The following FOXN1 variants were observed in gnomAD, a reference collection of about 807,000 sequenced individuals.
The protein encoded by FOXN1 is forkhead box protein N1.
A neutral mutation model predicts 49.0 loss-of-function variants in FOXN1; 15 were observed. That is an observed-to-expected ratio of 0.31 (90% CI 0.20 to 0.47). The LOEUF is 0.47. Ranked by LOEUF, FOXN1 falls within the 20% of genes least tolerant of loss-of-function variation. The pLI is 1.00. For synonymous variants in FOXN1, 356 were observed against 369.0 expected, an observed-to-expected ratio of 0.96 and a Z score of 0.40; for missense variants, 800 against 842.8, an observed-to-expected ratio of 0.95 and a Z score of 0.63.
intron 1 of FOXN1, among the ~76,000 whole-genome samples, chr17:28,517,166 C>T (rs140356840): frequency 0.015 from 1,907 of 126,218 alleles, 127 homozygotes; most frequent in African/African-American, 0.054. Flanking sequence ...ACAGGATCCA[C>T]ACCTCCACAG....
chr17:28,519,476 A>G (rs2069597420), intron 1 of FOXN1, among the ~76,000 whole-genome samples: 1 of 152,064 alleles, frequency 6.6e-6, no homozygotes, highest in African/African-American at 2.4e-5. Flanking sequence ...ACCCATATTG[A>G]GGGGCAGTTC....
Position 28,524,978 on chromosome 17 carries a change from G to C in FOXN1, c.588+11G>C. 6.3e-7 allele frequency: 1 copy of C among 1,589,730 alleles called. No individual in the cohort carries two copies. ...GGCCCCCAAGTCCTGGTGAGTACTA[G>C]TGGCCAGCGAGTGTCCCATCTTCCC... On this transcript the variant is annotated intron_variant, in intron 3 of 8. Coordinates refer to ENST00000579795, the MANE Select transcript of FOXN1 (RefSeq NM_001369369.1).
chr17:28,536,234 G>A (rs1445000935), intron 8 of FOXN1, among the ~76,000 whole-genome samples: 2 of 152,238 alleles, frequency 1.3e-5, no homozygotes, highest in Non-Finnish European at 2.9e-5. Context: ...AGTGCACATA[G>A]ATCCTCAGCC....
intron 1 of FOXN1, among the ~76,000 whole-genome samples, chr17:28,521,769 C>A (rs768568450): frequency 6.6e-6 from 1 of 152,204 alleles, no homozygotes; most frequent in Non-Finnish European, 1.5e-5. Context: ...GGGCAAATTG[C>A]CTCCCCTCAT....
At chr17:28,536,520 T>C (rs2070067768) in intron 8 of FOXN1, among the ~76,000 whole-genome samples, 1 of 152,098 alleles carries the variant, frequency 6.6e-6, no homozygotes, top group Non-Finnish European at 1.5e-5. Context: ...CAGGGTTTAG[T>C]CAGGCCCTCT....
Position 28,524,825 on chromosome 17 carries a change from T to C in FOXN1, c.446T>C (p.Phe149Ser), listed in dbSNP as rs767224907. The change falls in exon 3 of 9, where the codon TTT (phenylalanine) becomes TCT (serine). Residue 149 changes from phenylalanine to serine, a missense_variant. Phe to Ser is a radical substitution (Grantham distance 155). Around this residue, in one of 3 missense-constraint regions of FOXN1, gnomAD observed 383 missense variants for 357.9 expected, o/e 1.07. Coordinates refer to ENST00000579795, the MANE Select transcript of FOXN1 (RefSeq NM_001369369.1). ...ETTLALKGHS[F>S]KTPGPLEAFE... is the part of the protein sequence containing the mutation. ...ACCCTGGCCCTCAAAGGACACTCCT[T>C]TAAGACCCCAGGGCCGCTGGAGGCC... The C allele has an allele frequency of 6.2e-7, 1 of 1,613,760 alleles. No individual in the cohort carries two copies. Among genetic ancestry groups the C allele is most frequent in the Admixed American group, 1.7e-5 (1 of 60,012 alleles).
chr17:28,516,423 T>A (rs1247806319), intron 1 of FOXN1, among the ~76,000 whole-genome samples: 3 of 149,240 alleles, frequency 2.0e-5, no homozygotes, highest in Non-Finnish European at 3.0e-5. Flanking sequence ...GGTACATGCC[T>A]CCACAGAGTA....
intron 1 of FOXN1, among the ~76,000 whole-genome samples, chr17:28,521,705 G>A (rs1285493525): frequency 6.6e-6 from 1 of 152,226 alleles, no homozygotes; most frequent in East Asian, 1.9e-4. Flanking sequence ...CCGGCTTCCA[G>A]CCCCTCCACC....
At chr17:28,506,864 C>T (rs1354267760) in intron 1 of FOXN1, among the ~76,000 whole-genome samples, 2 of 152,126 alleles carry the variant, frequency 1.3e-5, no homozygotes, top group African/African-American at 4.8e-5. Context: ...AAGGGAGAGC[C>T]CAGCTCTGGG....
At chr17:28,507,757 C>T (rs1277685803) in intron 1 of FOXN1, among the ~76,000 whole-genome samples, 26 of 152,198 alleles carry the variant, frequency 1.7e-4, no homozygotes, top group Non-Finnish European at 1.8e-4. Flanking sequence ...GGCTCAGAAC[C>T]TTTTACCATC....
intron 1 of FOXN1, among the ~76,000 whole-genome samples, chr17:28,507,125 G>A (rs1241037448): frequency 6.6e-6 from 1 of 152,208 alleles, no homozygotes; most frequent in African/African-American, 2.4e-5. Flanking sequence ...CAGAGTCCTG[G>A]TGAGCAGAGC....
chr17:28,520,781 A>G (rs1302108052), intron 1 of FOXN1, among the ~76,000 whole-genome samples: 1 of 152,194 alleles, frequency 6.6e-6, no homozygotes, highest in Non-Finnish European at 1.5e-5. Context: ...CCAGACCCTC[A>G]GGAGGTGGTG....
intron 1 of FOXN1, among the ~76,000 whole-genome samples, chr17:28,519,318 G>A (rs1326500586): frequency 2.0e-5 from 3 of 151,050 alleles, no homozygotes; most frequent in Admixed American, 2.0e-4. Flanking sequence ...GCGACAGCAA[G>A]ACCTTGTCTC....
Position 28,524,816 on chromosome 17 carries a change from G to C in FOXN1, c.437G>C (p.Gly146Ala). The change falls in exon 3 of 9, where the codon GGA becomes GCA. Residue 146 changes from glycine to alanine, a missense_variant. By Grantham distance (60) the Gly-to-Ala change is moderately conservative. This residue lies in a region of FOXN1 where 383 missense variants were observed against 357.9 expected (regional missense o/e 1.07). Transcript: ENST00000579795. ...PEAETTLALK[G>A]HSFKTPGPLE... ...GCCGAGACCACCCTGGCCCTCAAAG[G>C]ACACTCCTTTAAGACCCCAGGGCCG... 2.5e-6 allele frequency: 4 copies of C among 1,613,738 alleles called. No individual in the cohort carries two copies. The South Asian group carries it at 3.3e-5, about 13-fold the overall frequency.
Position 28,524,920 on chromosome 17 carries a change from T to C in FOXN1, c.541T>C (p.Cys181Arg). The C allele has an allele frequency of 6.2e-7, 1 of 1,612,748 alleles. No homozygotes were observed. The highest frequency in any genetic ancestry group is 8.5e-7 in the Non-Finnish European group (1 of 1,179,990). The change falls in exon 3 of 9, where the codon TGT (cysteine) becomes CGT (arginine). Residue 181 changes from cysteine to arginine, a missense_variant. Cys to Arg is a radical substitution (Grantham distance 180). This residue lies in a region of FOXN1 where 383 missense variants were observed against 357.9 expected (regional missense o/e 1.07). Transcript: ENST00000579795. Reference protein sequence around the residue: ...FLPGFSAEAWCNGLPYPSQEH... With the variant: ...FLPGFSAEAWRNGLPYPSQEH... ...GCCTGGCTTCTCAGCAGAGGCCTGG[T>C]GTAACGGGCTCCCCTACCCCAGCCA...
rs753403074 is a variant in FOXN1 at position 28,535,192 on chromosome 17, T to C, written c.1621T>C (p.Phe541Leu). 6.2e-7 allele frequency: 1 copy of C among 1,613,122 alleles called. No individual in the cohort carries two copies. The highest frequency in any genetic ancestry group is 1.7e-5 in the Admixed American group (1 of 59,966). Residue 541 changes from phenylalanine (F) to leucine (L), a missense_variant, in exon 8 of 9, where the codon TTC becomes CTC. Phe to Leu is a conservative substitution (Grantham distance 22). This residue lies in a region of FOXN1 where 344 missense variants were observed against 366.1 expected (regional missense o/e 0.94). Transcript: ENST00000579795. ...CAATCCCTCACTCACTGACTTCGAC[T>C]TCCAGGGTGAGCTGGGGGTGGGAAA... ...AINPSLTDFD[F>L]QGNLWEQLKD... is the part of the protein sequence containing the mutation.
At position 28,537,256 on chromosome 17, in the gene FOXN1, G is replaced by T; in HGVS notation, c.1767G>T (p.Glu589Asp). The change falls in exon 9 of 9, where the codon GAG (glutamate) becomes GAT (aspartate). Residue 589 changes from glutamate to aspartate, a missense_variant. By Grantham distance (45) the Glu-to-Asp change is conservative. Around this residue, in one of 3 missense-constraint regions of FOXN1, gnomAD observed 344 missense variants for 366.1 expected, o/e 0.94. Transcript: ENST00000579795. ...TCCCCCCTGGGCCCTGTCTGACAGA[G>T]ACAGGCAGTGGGGCAGGTGACTTGG... ...HCFPPGPCLTETGSGAGDLAA... is the reference protein window; with the variant it reads ...HCFPPGPCLTDTGSGAGDLAA... The T allele has an allele frequency of 6.2e-7, 1 of 1,614,074 alleles. No individual in the cohort carries two copies. The highest frequency in any genetic ancestry group is 8.5e-7 in the Non-Finnish European group (1 of 1,179,982).
chr17:28,512,111 A>G (rs1455165699), intron 1 of FOXN1, among the ~76,000 whole-genome samples: 2 of 152,158 alleles, frequency 1.3e-5, no homozygotes, highest in Admixed American at 1.3e-4. Flanking sequence ...ACCCCAGCCC[A>G]TTTCTCCATC....
At position 28,537,753 on chromosome 17, in the gene FOXN1, T is replaced by G; in HGVS notation, c.*317T>G. 2.1e-6 allele frequency: 1 copy of G among 475,308 alleles called. No individual in the cohort carries two copies. Among genetic ancestry groups the G allele is most frequent in the Non-Finnish European group, 3.9e-6 (1 of 256,768 alleles). 29.4% of individuals were successfully genotyped at this position (475,308 alleles called of 1,614,324 possible). A position where few individuals can be genotyped will look rare whatever the true frequency, so the allele number is the denominator to read the frequency against. On this transcript the variant is annotated 3_prime_UTR_variant, in exon 9 of 9. Coordinates refer to ENST00000579795, the MANE Select transcript of FOXN1 (RefSeq NM_001369369.1). ...TAAGCCCTCGTGCACACACACAAAT[T>G]ATTCAGATGTACACCCACCCACATA...
Sources: gnomAD v4.1 joint callset for allele counts (sites outside exome capture counted in the v4.1 genomes callset) on GRCh38, gnomAD v4.1.1 for gene constraint, gnomAD v4.1.1 regional missense constraint, MANE v1.5 for transcripts, NCBI Gene and HGNC (gene_info 2026-07-23, HGNC 2026-07-21) for gene names.